The following IL15 variants were observed in gnomAD, a reference collection of about 807,000 sequenced individuals.
IL15 encodes the protein interleukin-15.
In IL15, 11 loss-of-function variants were observed where a neutral mutation model predicts 19.6. The observed-to-expected ratio is 0.56, with a 90% confidence interval of 0.35 to 0.93. The LOEUF is 0.93. Ranked by LOEUF, IL15 falls within the 40% of genes least tolerant of loss-of-function variation. The pLI is 0.01. For missense variants in IL15, 197 were observed against 186.5 expected, an observed-to-expected ratio of 1.06 and a Z score of -0.33; for synonymous variants, 58 against 59.6, an observed-to-expected ratio of 0.97 and a Z score of 0.12.
At chr4:141,642,725 CTA>C (rs1213840855) in intron 1 of IL15, among the ~76,000 whole-genome samples, 1 of 152,224 alleles carries the variant, frequency 6.6e-6, no homozygotes, top group Non-Finnish European at 1.5e-5. Context: ...TGTTAACCCT[CTA>C]TAACTTTTTC....
intron 1 of IL15, among the ~76,000 whole-genome samples, chr4:141,641,753 A>G (rs1727052008): frequency 6.6e-6 from 1 of 150,878 alleles, no homozygotes; most frequent in Non-Finnish European, 1.5e-5. Flanking sequence ...TGACGAGTTA[A>G]TGGGTGCAGC....
chr4:141,648,813 C>A (rs1462682313), intron 1 of IL15, among the ~76,000 whole-genome samples: 2 of 152,070 alleles, frequency 1.3e-5, no homozygotes, highest in African/African-American at 2.4e-5. Context: ...TTACTCTGAG[C>A]CGCTGCAACT....
In IL15 at chr4:141,669,832, C is replaced by T. The variant is rs930239774; in HGVS notation, c.-100+13525C>T. ...ATATTTAAAATGCAAAAATGTAGGA[C>T]ACCAAAAAAAGCTGCAATCTAACTT... On this transcript the variant is annotated intron_variant, in intron 2 of 7. Coordinates refer to ENST00000320650, the MANE Select transcript of IL15 (RefSeq NM_000585.5). 1.3e-5 allele frequency among the ~76,000 whole-genome samples: 2 copies of T among 149,972 alleles called. 1 individual carries two copies. Among genetic ancestry groups the T allele is most frequent in the Non-Finnish European group, 3.0e-5 (2 of 67,632 alleles).
Position 141,699,949 on chromosome 4 carries a change from C to T in IL15, c.-99-19417C>T, listed in dbSNP as rs367728557. ...TTTATTTATTTTGAGATGGAGTTACCCTCTTGTCGCACAGGCTGAGGTGCA... is the reference window on the plus strand; with the variant it reads ...TTTATTTATTTTGAGATGGAGTTACTCTCTTGTCGCACAGGCTGAGGTGCA... On this transcript the variant is annotated intron_variant, in intron 2 of 7. Coordinates refer to ENST00000320650, the MANE Select transcript of IL15 (RefSeq NM_000585.5). Among the ~76,000 whole-genome samples, 115 of 151,794 alleles carry T rather than the reference C, an allele frequency of 7.6e-4. 1 individual carries two copies. The highest frequency in any genetic ancestry group is 2.7e-3 in the African/African-American group (112 of 41,354).
At chr4:141,706,748 C>T (rs1729529638) in intron 2 of IL15, among the ~76,000 whole-genome samples, 1 of 151,768 alleles carries the variant, frequency 6.6e-6, no homozygotes, top group Admixed American at 6.6e-5. Flanking sequence ...TATGTCATGC[C>T]ATTCTCTCCT....
intron 2 of IL15, among the ~76,000 whole-genome samples, chr4:141,702,568 AC>A (rs903383390): frequency 6.6e-6 from 1 of 152,158 alleles, no homozygotes; most frequent in African/African-American, 2.4e-5. Context: ...CAGACTCAGG[AC>A]CCCTGGATAG....
At chr4:141,708,611 C>T (rs985305976) in intron 2 of IL15, among the ~76,000 whole-genome samples, 1 of 152,128 alleles carries the variant, frequency 6.6e-6, no homozygotes, top group African/African-American at 2.4e-5. Flanking sequence ...ACCTTTACCC[C>T]ATAAGAAGAA....
intron 5 of IL15, among the ~76,000 whole-genome samples, chr4:141,727,685 G>A (rs1730314369): frequency 1.3e-5 from 2 of 152,082 alleles, no homozygotes; most frequent in African/African-American, 2.4e-5. Context: ...TCTGAACAAG[G>A]TGAGTGCATT....
intron 2 of IL15, among the ~76,000 whole-genome samples, chr4:141,691,511 C>T (rs574044200): frequency 6.6e-6 from 1 of 152,150 alleles, no homozygotes; most frequent in Non-Finnish European, 1.5e-5. Context: ...AAATCAAAAA[C>T]AAGTTAGTTA....
At chr4:141,722,401 C>T (rs1457332082) in intron 5 of IL15, among the ~76,000 whole-genome samples, 1 of 151,994 alleles carries the variant, frequency 6.6e-6, no homozygotes, top group Admixed American at 6.6e-5. Context: ...GTGATTTTTG[C>T]CATAGCAGGT....
chr4:141,663,330 G>T (rs990909487), intron 2 of IL15, among the ~76,000 whole-genome samples: 1 of 152,132 alleles, frequency 6.6e-6, no homozygotes, highest in African/African-American at 2.4e-5. Context: ...CATTATAAAG[G>T]TCACAGCCTA....
At chr4:141,659,611 T>C (rs1300315617) in intron 2 of IL15, among the ~76,000 whole-genome samples, 2 of 152,214 alleles carry the variant, frequency 1.3e-5, no homozygotes, top group Admixed American at 1.3e-4. Context: ...TTTTTAGTAA[T>C]AGCAATGTGG....
intron 2 of IL15, among the ~76,000 whole-genome samples, chr4:141,691,471 A>G (rs1379834278): frequency 6.6e-6 from 1 of 152,196 alleles, no homozygotes; most frequent in Non-Finnish European, 1.5e-5. Flanking sequence ...ATCTGAGACA[A>G]GATAAGTCCC....
At chr4:141,641,475 A>G (rs1727039581) in intron 1 of IL15, among the ~76,000 whole-genome samples, 1 of 152,148 alleles carries the variant, frequency 6.6e-6, no homozygotes, top group Non-Finnish European at 1.5e-5. Context: ...AATTAAGAAA[A>G]TGTGGCACAT....
chr4:141,648,929 G>A (rs1560900923), intron 1 of IL15, among the ~76,000 whole-genome samples: 1 of 152,042 alleles, frequency 6.6e-6, no homozygotes, highest in Non-Finnish European at 1.5e-5. Context: ...CTCTGTACAT[G>A]GCTCCCTGCC....
At chr4:141,693,016 CAAAAAAAAAAAAAA>C (rs70949131) in intron 2 of IL15, among the ~76,000 whole-genome samples, 2 of 23,232 alleles carry the variant, frequency 8.6e-5, no homozygotes, top group African/African-American at 1.6e-4. Flanking sequence ...GACTCCGTCT[CAAAAAAAAAAAAAA>C]AAAAAAAAAA....
At chr4:141,729,542 T>C (rs1396301184) in intron 6 of IL15, among the ~76,000 whole-genome samples, 2 of 152,186 alleles carry the variant, frequency 1.3e-5, no homozygotes, top group African/African-American at 2.4e-5. Flanking sequence ...AAGGCCAGTA[T>C]TATTACCCTT....
intron 5 of IL15, among the ~76,000 whole-genome samples, chr4:141,727,389 A>G (rs1325979606): frequency 1.3e-5 from 2 of 151,454 alleles, no homozygotes; most frequent in Admixed American, 6.6e-5. Flanking sequence ...AGAAGGTTAC[A>G]TATGATATGA....
intron 2 of IL15, among the ~76,000 whole-genome samples, chr4:141,698,132 A>C (rs1222342011): frequency 6.6e-6 from 1 of 152,110 alleles, no homozygotes; most frequent in Non-Finnish European, 1.5e-5. Context: ...TATGTGATGT[A>C]TCATATTTAT....
Sources: allele counts gnomAD v4.1 joint callset (sites outside exome capture counted in the v4.1 genomes callset), GRCh38; gene constraint gnomAD v4.1.1; transcripts MANE v1.5; gene names NCBI Gene and HGNC (gene_info 2026-07-23, HGNC 2026-07-21).